ROBO1: variants seen among roughly 807,000 people sequenced by gnomAD.
ROBO1 encodes the protein roundabout homolog 1.
A neutral mutation model predicts 195.9 loss-of-function variants in ROBO1; 149 were observed. The ratio of observed to expected loss-of-function variants is 0.76; its 90% CI spans 0.67 to 0.87. ROBO1 has a LOEUF of 0.87. Among genes scored for constraint, ROBO1 ranks in the 40% least tolerant of loss-of-function variants. The pLI is 0.00. For missense variants in ROBO1, 1,933 were observed against 2,068.3 expected, an observed-to-expected ratio of 0.93 and a Z score of 1.27; for synonymous variants, 816 against 733.2, an observed-to-expected ratio of 1.11 and a Z score of -1.82.
intron 4 of ROBO1, among the ~76,000 whole-genome samples, chr3:78,807,411 G>A (rs1256145360): frequency 6.6e-6 from 1 of 152,068 alleles, no homozygotes; most frequent in Non-Finnish European, 1.5e-5. Context: ...AATAACATAG[G>A]AAACTGGATT....
chr3:79,009,732 T>C (rs2077728184), intron 3 of ROBO1, among the ~76,000 whole-genome samples: 1 of 152,220 alleles, frequency 6.6e-6, no homozygotes, highest in East Asian at 1.9e-4. Flanking sequence ...AGAACACACC[T>C]TTAAAGGAAT....
chr3:78,628,513 T>C (rs898723780), intron 25 of ROBO1, among the ~76,000 whole-genome samples: 1 of 152,136 alleles, frequency 6.6e-6, no homozygotes, highest in Admixed American at 6.6e-5. Context: ...GCCTTTCTCT[T>C]TTCTCTTATC....
At chr3:78,801,300 T>C (rs751280921) in intron 4 of ROBO1, among the ~76,000 whole-genome samples, 2 of 152,208 alleles carry the variant, frequency 1.3e-5, no homozygotes, top group South Asian at 2.1e-4. Context: ...TATTCGATTA[T>C]GAAATAATTT....
intron 3 of ROBO1, among the ~76,000 whole-genome samples, chr3:79,052,057 G>T (rs1383230925): frequency 6.6e-6 from 1 of 152,064 alleles, no homozygotes; most frequent in Non-Finnish European, 1.5e-5. Flanking sequence ...AGGGAACACG[G>T]GAGATAACCG....
chr3:79,492,727 G>A (rs1488578018), intron 2 of ROBO1, among the ~76,000 whole-genome samples: 1 of 151,974 alleles, frequency 6.6e-6, no homozygotes, highest in Non-Finnish European at 1.5e-5. Context: ...ATACACATCT[G>A]ACATATAATG....
At chr3:78,908,268 C>T (rs903271330) in intron 4 of ROBO1, among the ~76,000 whole-genome samples, 2 of 151,912 alleles carry the variant, frequency 1.3e-5, no homozygotes, top group African/African-American at 4.8e-5. Context: ...TACTTAGTTA[C>T]AATACAAATC....
At chr3:79,747,214 T>A (rs977437481) in intron 1 of ROBO1, among the ~76,000 whole-genome samples, 4 of 152,082 alleles carry the variant, frequency 2.6e-5, no homozygotes, top group East Asian at 1.9e-4. Flanking sequence ...ACTCAGGGAA[T>A]CTTAGAGTGT....
At chr3:79,425,930 T>G (rs1453249263) in intron 2 of ROBO1, among the ~76,000 whole-genome samples, 3 of 152,188 alleles carry the variant, frequency 2.0e-5, no homozygotes, top group Non-Finnish European at 4.4e-5. Context: ...TCATTCCACA[T>G]TGTGGCTTCA....
Position 79,630,706 on chromosome 3 carries a change from A to G in ROBO1, c.-50-40745T>C, listed in dbSNP as rs1420085846. Among the ~76,000 whole-genome samples the G allele has an allele frequency of 5.9e-5, 9 of 152,168 alleles. No individual in the cohort carries two copies. In the South Asian group the frequency reaches 1.9e-3, roughly 32 times the overall value. ...GAGTAGTCAAATCATCTGTTTGCTT[A>G]TGACATATTCTTATAACCAGAAAAC... On this transcript the variant is annotated intron_variant, in intron 1 of 30. Transcript: ENST00000464233.
intron 2 of ROBO1, among the ~76,000 whole-genome samples, chr3:79,295,105 C>A (rs986730663): frequency 1.3e-5 from 2 of 152,060 alleles, no homozygotes; most frequent in African/African-American, 2.4e-5. Context: ...TGGGTATATA[C>A]CCAAAGGAAT....
At chr3:78,792,785 A>G (rs1439936833) in intron 4 of ROBO1, among the ~76,000 whole-genome samples, 1 of 152,188 alleles carries the variant, frequency 6.6e-6, no homozygotes, top group Admixed American at 6.6e-5. Flanking sequence ...AAAATAAGTA[A>G]TAAATCAACT....
Position 79,029,365 on chromosome 3 carries a change from A to G in ROBO1, c.173-90438T>C, listed in dbSNP as rs145306662. ...AATATCATTATTTTTTGAGATTAGT[A>G]ATTTTGTCGCTTTAAAAAATCAGAT... On this transcript the variant is annotated intron_variant, in intron 3 of 30. Coordinates refer to ENST00000464233, the MANE Select transcript of ROBO1 (RefSeq NM_002941.4). Among the ~76,000 whole-genome samples, 207 of 152,192 alleles carry G rather than the reference A, an allele frequency of 1.4e-3. 3 individuals carry two copies. In the East Asian group the frequency reaches 0.036, roughly 27 times the overall value.
At chr3:79,704,388 G>C (rs181602955) in intron 1 of ROBO1, among the ~76,000 whole-genome samples, 2 of 151,840 alleles carry the variant, frequency 1.3e-5, no homozygotes, top group East Asian at 3.9e-4. Flanking sequence ...TCTTTTTACT[G>C]TTTCCATAGT....
chr3:78,752,043 T>G (rs1028019690), intron 4 of ROBO1, among the ~76,000 whole-genome samples: 4 of 151,984 alleles, frequency 2.6e-5, no homozygotes, highest in African/African-American at 9.7e-5. Flanking sequence ...CCTTAAAAAC[T>G]AAGGTGTATT....
chr3:78,703,339 G>C (rs1443996027), intron 8 of ROBO1, among the ~76,000 whole-genome samples: 1 of 152,108 alleles, frequency 6.6e-6, no homozygotes, highest in African/African-American at 2.4e-5. Context: ...AGTTAGGAGA[G>C]GGAGTTATTC....
intron 3 of ROBO1, among the ~76,000 whole-genome samples, chr3:79,090,070 G>T (rs1190286758): frequency 6.6e-6 from 1 of 151,718 alleles, no homozygotes; most frequent in Non-Finnish European, 1.5e-5. Context: ...CTCCTGAGTA[G>T]CTAGGACTAC....
chr3:78,617,561 T>C lies in ROBO1; in HGVS notation c.4282+74A>G, dbSNP rs112703530. ...GCTTTTCAAATAGGACGTAAGATCA[T>C]AGGACAGAATCAGCAACAAACATAT... On this transcript the variant is annotated intron_variant, in intron 27 of 30. Transcript: ENST00000464233. The C allele has an allele frequency of 3.7e-5, 53 of 1,431,616 alleles. 1 individual carries two copies. In the African/African-American group the frequency reaches 6.1e-4, roughly 17 times the overall value. The allele number at this position is 1,431,616 out of a possible 1,614,324, so 88.7% of individuals were successfully genotyped here. A position where few individuals can be genotyped will look rare whatever the true frequency, so the allele number is the denominator to read the frequency against.
chr3:78,916,557 G>GAAAAAAAAA (rs969858186), intron 4 of ROBO1, among the ~76,000 whole-genome samples: 6 of 73,998 alleles, frequency 8.1e-5, no homozygotes, highest in Non-Finnish European at 6.3e-5. Context: ...GTCTCAAAAA[G>GAAAAAAAAA]AAAAAAAAAA....
rs185265905 is a variant in ROBO1 at position 78,717,875 on chromosome 3, T to C, written c.666A>G (p.Gly222=). 58 of 1,613,114 alleles carry C rather than the reference T, an allele frequency of 3.6e-5. 1 individual carries two copies. The East Asian group carries it at 6.0e-4, about 17-fold the overall frequency. The change falls in exon 6 of 31, where the codon GGA becomes GGG. Residue 222 remains glycine (G), a synonymous_variant. Transcript: ENST00000464233. The part of the protein sequence containing the change: ...DDKDERITIR[G]GKLMITYTRK... ...GGGTGTAAGTGATCATGAGCTTTCC[T>C]CCTCGTATCTTAAAAAAAAAGTTTC...
Sources: gnomAD v4.1 joint callset for allele counts (sites outside exome capture counted in the v4.1 genomes callset) on GRCh38, gnomAD v4.1.1 for gene constraint, MANE v1.5 for transcripts, NCBI Gene and HGNC (gene_info 2026-07-23, HGNC 2026-07-21) for gene names.